ST7: variants seen among roughly 807,000 people sequenced by gnomAD.
ST7 encodes suppressor of tumorigenicity 7 protein.
Under a neutral mutation model 78.7 loss-of-function variants are expected in ST7, and 28 were observed. The ratio of observed to expected loss-of-function variants is 0.36; its 90% confidence interval spans 0.26 to 0.49. The LOEUF (loss-of-function observed/expected upper bound fraction) is 0.49. Ranked by LOEUF, ST7 falls within the 20% of genes least tolerant of loss-of-function variation. The pLI, the probability that ST7 is intolerant of heterozygous loss-of-function variation, is 0.99. For missense variants in ST7, 418 were observed against 696.0 expected (o/e 0.60, Z 4.49); for synonymous variants, 247 against 249.6 (o/e 0.99, Z 0.10).
chr7:117,180,631 A>T (rs763913031), intron 10 of ST7, among the ~76,000 whole-genome samples: 1 of 152,154 alleles, frequency 6.6e-6, no homozygotes, highest in Non-Finnish European at 1.5e-5. Flanking sequence ...AAGTAACAAA[A>T]AGTGAAAGCC....
At chr7:117,193,266 A>T (rs1809972933) in intron 12 of ST7, among the ~76,000 whole-genome samples, 1 of 152,130 alleles carries the variant, frequency 6.6e-6, no homozygotes, top group Admixed American at 6.5e-5. Flanking sequence ...TTAGCATAAG[A>T]TGATCCTTAA....
chr7:117,001,566 G>C (rs1794933994), intron 1 of ST7, among the ~76,000 whole-genome samples: 1 of 152,176 alleles, frequency 6.6e-6, no homozygotes, highest in Non-Finnish European at 1.5e-5. Context: ...AGCAATCACT[G>C]CAGGCTGTCA....
intron 1 of ST7, among the ~76,000 whole-genome samples, chr7:117,057,876 AT>A (rs1798144441): frequency 6.6e-6 from 1 of 151,948 alleles, no homozygotes. Context: ...ATCCCTTTCT[AT>A]TTTTTTCAGT....
intron 1 of ST7, among the ~76,000 whole-genome samples, chr7:116,987,828 A>G (rs1365607476): frequency 2.0e-5 from 3 of 152,162 alleles, no homozygotes; most frequent in African/African-American, 7.2e-5. Context: ...GGTTCAAGCA[A>G]TTCTCCTGCC....
At chr7:117,060,789 T>G (rs941944883) in intron 1 of ST7, among the ~76,000 whole-genome samples, 33 of 152,274 alleles carry the variant, frequency 2.2e-4, no homozygotes, top group African/African-American at 7.7e-4. Flanking sequence ...ATGGATCACC[T>G]GATGTCAGGA....
At chr7:117,009,336 T>G (rs533714432) in intron 1 of ST7, among the ~76,000 whole-genome samples, 3 of 151,760 alleles carry the variant, frequency 2.0e-5, no homozygotes, top group Non-Finnish European at 2.9e-5. Context: ...TTTCTTTGCT[T>G]ATTTTCCAGT....
rs118036962 is a variant in ST7 at position 117,161,660 on chromosome 7, C to T, written c.964-9202C>T. Among the ~76,000 whole-genome samples the T allele has an allele frequency of 1.4e-3, 197 of 140,270 alleles. 1 individual carries two copies. The highest frequency in any genetic ancestry group is 4.6e-3 in the African/African-American group (177 of 38,224). The allele number at this position is 140,270 out of a possible 152,430, so 92.0% of individuals were successfully genotyped here. ...TATTGCCCAGGCTGGAGTGCAATGACGCAGTCTTGGCTCACTGCAGCCTCT... is the reference window on the plus strand; with the variant it reads ...TATTGCCCAGGCTGGAGTGCAATGATGCAGTCTTGGCTCACTGCAGCCTCT... On this transcript the variant is annotated intron_variant, in intron 9 of 15. Coordinates refer to ENST00000323984, the MANE Select transcript of ST7 (RefSeq NM_001369598.1).
intron 1 of ST7, among the ~76,000 whole-genome samples, chr7:116,986,879 A>G (rs1448060474): frequency 2.6e-5 from 4 of 152,230 alleles, no homozygotes; most frequent in Admixed American, 2.0e-4. Flanking sequence ...TTTCCAACCC[A>G]AAGAGGATGG....
At chr7:116,981,775 A>G (rs566505357) in intron 1 of ST7, among the ~76,000 whole-genome samples, 1 of 152,340 alleles carries the variant, frequency 6.6e-6, no homozygotes, top group Non-Finnish European at 1.5e-5. Flanking sequence ...AATAATGATA[A>G]AAGTGTAGTA....
At chr7:117,216,242 C>G (rs1310674873) in intron 13 of ST7, among the ~76,000 whole-genome samples, 1 of 152,072 alleles carries the variant, frequency 6.6e-6, no homozygotes, top group East Asian at 1.9e-4. Context: ...TTCATTTTGA[C>G]CCTTCAGCAA....
At chr7:117,002,102 C>T (rs1318546537) in intron 1 of ST7, among the ~76,000 whole-genome samples, 1 of 151,946 alleles carries the variant, frequency 6.6e-6, no homozygotes, top group Non-Finnish European at 1.5e-5. Context: ...GTGGTGCATG[C>T]CTATAGTCCC....
chr7:117,097,981 G>A (rs1338567068), intron 1 of ST7, among the ~76,000 whole-genome samples: 8 of 133,184 alleles, frequency 6.0e-5, no homozygotes, highest in South Asian at 5.0e-4. Flanking sequence ...CTCTTACCTC[G>A]CAGTAAGCTG....
At chr7:116,962,148 G>T (rs1792868908) in intron 1 of ST7, among the ~76,000 whole-genome samples, 1 of 152,108 alleles carries the variant, frequency 6.6e-6, no homozygotes, top group Non-Finnish European at 1.5e-5. Context: ...AGTATTCCAT[G>T]GTGTACGTGT....
chr7:117,159,370 G>C (rs1468589824), intron 9 of ST7, among the ~76,000 whole-genome samples: 1 of 152,140 alleles, frequency 6.6e-6, no homozygotes, highest in Non-Finnish European at 1.5e-5. Flanking sequence ...CTTCCCCATA[G>C]GTATTAGAGG....
chr7:116,968,476 C>T (rs1793255421), intron 1 of ST7: 4 of 448,496 alleles, frequency 8.9e-6, no homozygotes, highest in Admixed American at 2.4e-5. Flanking sequence ...CTGATTATTT[C>T]GACTACGGGT....
intron 1 of ST7, among the ~76,000 whole-genome samples, chr7:116,975,414 A>AT (rs200910179): frequency 0.027 from 3,997 of 148,594 alleles, 175 homozygotes; most frequent in African/African-American, 0.09. Context: ...TTTGAAAACA[A>AT]TTTTTTTTTT....
intron 2 of ST7, among the ~76,000 whole-genome samples, chr7:117,101,244 A>T (rs1801547765): frequency 6.6e-6 from 1 of 152,180 alleles, no homozygotes; most frequent in Admixed American, 6.5e-5. Flanking sequence ...CCTCCCACAC[A>T]TCTCCATTCC....
At chr7:117,020,602 C>T (rs1217794763) in intron 1 of ST7, 1 of 1,550,456 alleles carries the variant, frequency 6.4e-7, no homozygotes, top group East Asian at 2.4e-5. Context: ...GCCTCTGGAG[C>T]CAGCCATGTT....
intron 9 of ST7, among the ~76,000 whole-genome samples, chr7:117,159,494 C>T (rs532715285): frequency 9.2e-5 from 14 of 152,150 alleles, no homozygotes; most frequent in Admixed American, 5.2e-4. Context: ...GAGAAGATAG[C>T]GGGCAATAAA....
Sources: gnomAD v4.1 joint callset for allele counts (sites outside exome capture counted in the v4.1 genomes callset) on GRCh38, gnomAD v4.1.1 for gene constraint, MANE v1.5 for transcripts, NCBI Gene and HGNC (gene_info 2026-07-23, HGNC 2026-07-21) for gene names.